The following EIF3A variants were observed in gnomAD, a reference collection of about 807,000 sequenced individuals.
EIF3A encodes EIF3, p180 subunit.
EIF3A carries 21 observed loss-of-function variants against 186.6 expected under a neutral mutation model. The observed-to-expected ratio is 0.11, with a 90% CI of 0.08 to 0.16. The LOEUF (loss-of-function observed/expected upper bound fraction) is 0.16, where lower values mean the gene tolerates loss of function less well. EIF3A is among the 10% of genes least tolerant of loss of function. The probability of loss-of-function intolerance (pLI) is 1.00; values close to 1 mark genes in which losing one functional copy is unlikely to be tolerated. For synonymous variants in EIF3A, 563 were observed against 584.3 expected, an observed-to-expected ratio of 0.96 and a Z score of 0.52; for missense variants, 1,306 against 1,796.3, an observed-to-expected ratio of 0.73 and a Z score of 4.93.
At chr10:119,040,342 T>C (rs1172841219) in intron 19 of EIF3A, among the ~76,000 whole-genome samples, 1 of 152,020 alleles carries the variant, frequency 6.6e-6, no homozygotes, top group Non-Finnish European at 1.5e-5. Flanking sequence ...AGATTTAACA[T>C]AAAGGATGAA....
rs373082827 is a variant in EIF3A at position 119,080,678 on chromosome 10, T to G, written c.-2A>C. On this transcript the variant is annotated 5_prime_UTR_variant, in exon 1 of 22. Transcript: ENST00000369144. ...CGGCCTCTGAAAATAGGCCGGCATCTTGGCGGCAGGCTCAGCTCACCCGGC... is the reference window on the plus strand; with the variant it reads ...CGGCCTCTGAAAATAGGCCGGCATCGTGGCGGCAGGCTCAGCTCACCCGGC... The G allele has an allele frequency of 3.1e-6, 5 of 1,594,764 alleles. No homozygotes were observed. In the African/African-American group the frequency reaches 6.8e-5, roughly 22 times the overall value.
At chr10:119,039,113 C>A (rs1285329020) in intron 19 of EIF3A, among the ~76,000 whole-genome samples, 1 of 152,098 alleles carries the variant, frequency 6.6e-6, no homozygotes, top group East Asian at 1.9e-4. Flanking sequence ...TTCTCTGAGT[C>A]CCAATTTTGA....
intron 1 of EIF3A, among the ~76,000 whole-genome samples, chr10:119,079,699 T>C (rs576916213): frequency 1.3e-5 from 2 of 152,218 alleles, no homozygotes; most frequent in South Asian, 2.1e-4. Flanking sequence ...CACACAAGTT[T>C]TTCCCTCAAG....
At chr10:119,057,391 GGTCA>G (rs1307451140) in intron 12 of EIF3A, among the ~76,000 whole-genome samples, 4 of 152,166 alleles carry the variant, frequency 2.6e-5, no homozygotes, top group African/African-American at 4.8e-5. Context: ...CCATGTGACA[GGTCA>G]GTCAAAATGC....
chr10:119,048,031 G>A (rs1848304035), intron 17 of EIF3A, among the ~76,000 whole-genome samples: 1 of 152,080 alleles, frequency 6.6e-6, no homozygotes. Context: ...CAGAAAACTT[G>A]CTCCCCAATG....
intron 17 of EIF3A, among the ~76,000 whole-genome samples, chr10:119,047,174 A>T (rs1422759616): frequency 2.6e-5 from 4 of 152,168 alleles, no homozygotes; most frequent in Non-Finnish European, 5.9e-5. Flanking sequence ...AGGCTGAGGC[A>T]GGAGAATTGC....
At chr10:119,066,931 G>A (rs1373224955) in intron 6 of EIF3A, among the ~76,000 whole-genome samples, 1 of 152,216 alleles carries the variant, frequency 6.6e-6, no homozygotes, top group Non-Finnish European at 1.5e-5. Flanking sequence ...AACAGATGTG[G>A]ACCAGGCGCA....
intron 19 of EIF3A, among the ~76,000 whole-genome samples, chr10:119,041,146 C>T (rs994970734): frequency 6.6e-6 from 1 of 151,960 alleles, no homozygotes; most frequent in Admixed American, 6.6e-5. Context: ...CCACTGCACT[C>T]CAGCCTGGGA....
At chr10:119,072,042 A>AAAG (rs1014827804) in intron 4 of EIF3A, among the ~76,000 whole-genome samples, 2 of 132,166 alleles carry the variant, frequency 1.5e-5, no homozygotes, top group Non-Finnish European at 3.1e-5. Context: ...AAAAAAAAAA[A>AAAG]AAAAGAAAGA....
At chr10:119,074,983 T>C (rs1243864313) in intron 1 of EIF3A, among the ~76,000 whole-genome samples, 4 of 56,416 alleles carry the variant, frequency 7.1e-5, no homozygotes, top group Non-Finnish European at 2.1e-4. Flanking sequence ...TTATTTTTTT[T>C]CTTTTTTTTT....
chr10:119,055,212 A>G (rs566908950), intron 14 of EIF3A, among the ~76,000 whole-genome samples: 19 of 152,246 alleles, frequency 1.2e-4, no homozygotes, highest in Non-Finnish European at 2.8e-4. Flanking sequence ...TCTGTCTCAA[A>G]TAAATATATA....
rs1358962410 is a variant in EIF3A at position 119,034,333 on chromosome 10, AC to A, written c.*1705del. ...TGACTCGCCTTGAAATCTAACTCTA[AC>A]GTAGGCAGCAGTAACTCGTCTGAAC... On this transcript the variant is annotated 3_prime_UTR_variant, in exon 22 of 22. Transcript: ENST00000369144. The A allele has an allele frequency of 3.0e-5, 5 of 165,658 alleles. No individual in the cohort carries two copies. The highest frequency in any genetic ancestry group is 2.6e-4 in the Admixed American group (4 of 15,284). 10.3% of individuals were successfully genotyped at this position (165,658 alleles called of 1,614,324 possible). A position where few individuals can be genotyped will look rare whatever the true frequency, so the allele number is the denominator to read the frequency against.
rs762160550 is a variant in EIF3A, at chr10:119,061,345, A to G, written c.1123-17T>C. The stretch of plus-strand genomic sequence containing the variant: ...AAATCTGACCTACAGTAAGCAAAAC[A>G]AAAGATGTAACTGCCAAAGGAAATT... On this transcript the variant is annotated splice_polypyrimidine_tract_variant and intron_variant, in intron 7 of 21. Transcript: ENST00000369144. 1 of 1,195,456 alleles carries G rather than the reference A, an allele frequency of 8.4e-7. No individual in the cohort carries two copies. The highest frequency in any genetic ancestry group is 1.2e-6 in the Non-Finnish European group (1 of 838,570). The allele number at this position is 1,195,456 out of a possible 1,614,324, so 74.1% of individuals were successfully genotyped here.
intron 9 of EIF3A, 80 bp from the exon 10 acceptor site, chr10:119,059,798 G>A: frequency 2.2e-6 from 2 of 928,982 alleles, no homozygotes; most frequent in Middle Eastern, 2.2e-4. Flanking sequence ...GACAGTCATG[G>A]GAAGTAGAAA....
chr10:119,068,835 T>C (rs1844023733), intron 6 of EIF3A, among the ~76,000 whole-genome samples: 1 of 151,348 alleles, frequency 6.6e-6, no homozygotes, highest in Admixed American at 6.6e-5. Flanking sequence ...TAGCCGGGCA[T>C]GGTGGTGGGT....
chr10:119,037,242 C>T lies in EIF3A; in HGVS notation c.3796G>A (p.Asp1266Asn). The T allele has an allele frequency of 1.2e-6, 2 of 1,614,144 alleles. No homozygotes were observed. The highest frequency in any genetic ancestry group is 1.7e-6 in the Non-Finnish European group (2 of 1,180,038). ...SSSWRDSSRRDDRDRDDRRRE... is the reference protein window; with the variant it reads ...SSSWRDSSRRNDRDRDDRRRE... ...CGACGGTCATCCCTATCCCTATCGT[C>T]CCGGCGACTTGAGTCTCTCCAGCTT... Residue 1266 changes from aspartate to asparagine, a missense_variant, in exon 21 of 22, where the codon GAC becomes AAC. By Grantham distance (23) the Asp-to-Asn change is conservative. Transcript: ENST00000369144.
chr10:119,056,468 G>A (rs1053334230), intron 14 of EIF3A, among the ~76,000 whole-genome samples: 1 of 152,088 alleles, frequency 6.6e-6, no homozygotes, highest in Non-Finnish European at 1.5e-5. Context: ...ACTATGAGAT[G>A]TATAAACATG....
In EIF3A at chr10:119,035,918, T is replaced by G. The variant is rs1249108125; in HGVS notation, c.*121A>C. On this transcript the variant is annotated 3_prime_UTR_variant, in exon 22 of 22. Transcript: ENST00000369144. ...TAGGATTAATACAAGTTCATGCTTT[T>G]TGTGTTATGGTGAAACAACATTAAA... 1.8e-5 allele frequency: 13 copies of G among 726,746 alleles called. No homozygotes were observed. In the East Asian group the frequency reaches 3.5e-4, roughly 19 times the overall value. 45.0% of individuals were successfully genotyped at this position (726,746 alleles called of 1,614,324 possible). A position where few individuals can be genotyped will look rare whatever the true frequency, so the allele number is the denominator to read the frequency against.
chr10:119,048,086 T>C (rs546433614), intron 17 of EIF3A, among the ~76,000 whole-genome samples: 53 of 152,088 alleles, frequency 3.5e-4, no homozygotes, highest in African/African-American at 1.3e-3. Flanking sequence ...CAGATGAAAC[T>C]GATGAAACGG....
Sources: gnomAD v4.1 joint callset for allele counts (sites outside exome capture counted in the v4.1 genomes callset) on GRCh38, gnomAD v4.1.1 for gene constraint, MANE v1.5 for transcripts, NCBI Gene and HGNC (gene_info 2026-07-23, HGNC 2026-07-21) for gene names.